CSMD1: variants seen among roughly 807,000 people sequenced by gnomAD.
CSMD1 encodes CUB and Sushi multiple domains 1, also known as CUB and sushi domain-containing protein 1.
A neutral mutation model predicts 417.5 loss-of-function variants in CSMD1; 213 were observed. The ratio of observed to expected loss-of-function variants is 0.51; its 90% confidence interval spans 0.46 to 0.57. CSMD1 has a LOEUF of 0.57. Among genes scored for constraint, CSMD1 ranks in the 20% least tolerant of loss-of-function variants. The pLI, the probability that CSMD1 is intolerant of heterozygous loss-of-function variation, is 0.00. For synonymous variants in CSMD1, 2,862 were observed against 1,736.8 expected (o/e 1.65, Z -16.11); for missense variants, 6,923 against 4,529.7 (o/e 1.53, Z -15.17).
intron 3 of CSMD1, among the ~76,000 whole-genome samples, chr8:4,295,313 TAAG>T (rs1029546504): frequency 2.7e-5 from 3 of 112,710 alleles, no homozygotes; most frequent in African/African-American, 5.5e-5. Context: ...TATATAATCT[TAAG>T]ATTATGCACA....
intron 18 of CSMD1, among the ~76,000 whole-genome samples, chr8:3,370,864 T>G (rs1330221455): frequency 6.6e-6 from 1 of 151,918 alleles, no homozygotes; most frequent in Non-Finnish European, 1.5e-5. Context: ...CAATTCCAGC[T>G]ATTCAGAAGG....
chr8:4,482,180 T>A (rs1801138847), intron 2 of CSMD1, among the ~76,000 whole-genome samples: 1 of 152,156 alleles, frequency 6.6e-6, no homozygotes. Context: ...GCTGTATAGA[T>A]TATTTCACCC....
intron 1 of CSMD1, among the ~76,000 whole-genome samples, chr8:4,797,916 T>A (rs990154694): frequency 1.3e-5 from 2 of 152,228 alleles, no homozygotes; most frequent in African/African-American, 4.8e-5. Flanking sequence ...CAGAAGGGCA[T>A]GACAGATCTC....
At chr8:4,479,514 C>G (rs1278383736) in intron 2 of CSMD1, among the ~76,000 whole-genome samples, 1 of 152,144 alleles carries the variant, frequency 6.6e-6, no homozygotes, top group African/African-American at 2.4e-5. Context: ...TCATAAATAC[C>G]TTTGCCTCTT....
intron 26 of CSMD1, among the ~76,000 whole-genome samples, chr8:3,281,425 CA>C (rs1479819029): frequency 2.0e-5 from 3 of 152,016 alleles, no homozygotes; most frequent in Non-Finnish European, 2.9e-5. Context: ...GCCTGGGCGA[CA>C]AAGCAAGACT....
rs376712127 is a variant in CSMD1, at chr8:3,108,595, C to G, written c.6754+8G>C. On this transcript the variant is annotated splice_region_variant and intron_variant, in intron 44 of 69. Coordinates refer to ENST00000635120, the MANE Select transcript of CSMD1 (RefSeq NM_033225.6). ...CAGTCTTAACTAACGGAGTGAAAAT[C>G]AACTGACCGTGGAAATTGAGGACAA... 1.6e-4 allele frequency: 260 copies of G among 1,613,254 alleles called. No individual in the cohort carries two copies. The highest frequency in any genetic ancestry group is 2.0e-4 in the Non-Finnish European group (238 of 1,179,644).
At position 3,349,310 on chromosome 8, in the gene CSMD1, A is replaced by C. The variant is rs560464850; in HGVS notation, c.3305-1149T>G. Among the ~76,000 whole-genome samples the C allele has an allele frequency of 3.3e-5, 5 of 152,246 alleles. No homozygotes were observed. The East Asian group carries it at 9.7e-4, about 29-fold the overall frequency. ...CCTCCTTCCCTCTTTGACAACGAAC[A>C]CAATCAGCTACATCACTGGCCATGA... On this transcript the variant is annotated intron_variant, in intron 21 of 69. Coordinates refer to ENST00000635120, the MANE Select transcript of CSMD1 (RefSeq NM_033225.6).
At chr8:4,680,398 C>G (rs947252708) in intron 1 of CSMD1, among the ~76,000 whole-genome samples, 3 of 152,168 alleles carry the variant, frequency 2.0e-5, no homozygotes, top group Admixed American at 1.3e-4. Flanking sequence ...AGTGCACTTT[C>G]TGGTGAATTT....
chr8:4,591,254 C>A (rs760378690), intron 2 of CSMD1, among the ~76,000 whole-genome samples: 1 of 152,090 alleles, frequency 6.6e-6, no homozygotes, highest in African/African-American at 2.4e-5. Flanking sequence ...TCACAAACAC[C>A]AGGAGGAAGA....
intron 41 of CSMD1, among the ~76,000 whole-genome samples, chr8:3,138,715 A>G (rs1042453883): frequency 6.6e-6 from 1 of 152,202 alleles, no homozygotes; most frequent in Admixed American, 6.5e-5. Flanking sequence ...GGTAGAAAGG[A>G]CTGTGGCTGC....
chr8:3,836,002 A>G (rs747576288), intron 5 of CSMD1, among the ~76,000 whole-genome samples: 3 of 152,002 alleles, frequency 2.0e-5, no homozygotes, highest in Non-Finnish European at 4.4e-5. Context: ...AGATTCTATC[A>G]TTTCTACTGT....
intron 3 of CSMD1, among the ~76,000 whole-genome samples, chr8:4,109,601 T>C (rs1801746605): frequency 6.6e-6 from 1 of 152,184 alleles, no homozygotes; most frequent in Non-Finnish European, 1.5e-5. Flanking sequence ...CATTTGCCTT[T>C]GGATATTGTT....
At chr8:4,111,611 C>G (rs28665405) in intron 3 of CSMD1, among the ~76,000 whole-genome samples, 1,927 of 152,216 alleles carry the variant, frequency 0.013, 52 homozygotes, top group African/African-American at 0.043. Context: ...GAAATTATGT[C>G]CTTTGTAGGG....
intron 5 of CSMD1, among the ~76,000 whole-genome samples, chr8:3,911,382 G>C (rs1036843924): frequency 2.0e-4 from 31 of 151,444 alleles, no homozygotes; most frequent in East Asian, 1.8e-3. Flanking sequence ...CAAAAAATTA[G>C]CTGGGTATGG....
chr8:3,049,108 C>G (rs114281739), intron 50 of CSMD1, among the ~76,000 whole-genome samples: 1 of 152,112 alleles, frequency 6.6e-6, no homozygotes, highest in Non-Finnish European at 1.5e-5. Flanking sequence ...CGTGGGGCAA[C>G]AGGAACTCTC....
chr8:3,544,180 G>C (rs947907840), intron 10 of CSMD1, among the ~76,000 whole-genome samples: 4 of 152,062 alleles, frequency 2.6e-5, no homozygotes, highest in Admixed American at 6.5e-5. Context: ...CTAGCCTCTA[G>C]AGGTTCATGG....
chr8:4,623,748 T>TCACAAC (rs1801921221), intron 2 of CSMD1, among the ~76,000 whole-genome samples: 1 of 152,042 alleles, frequency 6.6e-6, no homozygotes, highest in African/African-American at 2.4e-5. Flanking sequence ...TGTGTATATA[T>TCACAAC]ATATTTCATA....
intron 3 of CSMD1, among the ~76,000 whole-genome samples, chr8:4,157,639 T>A (rs1417438384): frequency 1.3e-5 from 2 of 152,148 alleles, no homozygotes; most frequent in African/African-American, 4.8e-5. Flanking sequence ...TCAGAACAGC[T>A]CAGACCTCTG....
intron 3 of CSMD1, among the ~76,000 whole-genome samples, chr8:4,173,859 C>G (rs1797896574): frequency 6.6e-6 from 1 of 152,176 alleles, no homozygotes; most frequent in Non-Finnish European, 1.5e-5. Flanking sequence ...CTTGGGAAGT[C>G]TCTTCTCTCC....
Sources: allele counts gnomAD v4.1 joint callset (sites outside exome capture counted in the v4.1 genomes callset), GRCh38; gene constraint gnomAD v4.1.1; transcripts MANE v1.5; gene names NCBI Gene and HGNC (gene_info 2026-07-23, HGNC 2026-07-21).